Variants in EPS15L1 observed in about 807,000 individuals in gnomAD.
EPS15L1 encodes the protein epidermal growth factor receptor substrate 15-like 1.
Under a neutral mutation model 117.1 loss-of-function variants are expected in EPS15L1, and 43 were observed. That is an observed-to-expected ratio of 0.37 (90% CI 0.29 to 0.47). EPS15L1 has a LOEUF of 0.47. Ranked by LOEUF, EPS15L1 falls within the 20% of genes least tolerant of loss-of-function variation. EPS15L1 has a pLI of 0.99. For synonymous variants in EPS15L1, 459 were observed against 470.5 expected, an observed-to-expected ratio of 0.98 and a Z score of 0.32; for missense variants, 981 against 1,164.0, an observed-to-expected ratio of 0.84 and a Z score of 2.29.
chr19:16,444,353 C>T (rs1170404416), intron 1 of EPS15L1, among the ~76,000 whole-genome samples: 3 of 152,090 alleles, frequency 2.0e-5, no homozygotes, highest in Non-Finnish European at 2.9e-5. Context: ...AGATGGCTGC[C>T]CCCCTCGTGC....
chr19:16,437,739 GAATGTGA>G, intron 5 of EPS15L1, 24 bp downstream of exon 5: 2 of 1,504,382 alleles, frequency 1.3e-6, no homozygotes, highest in Non-Finnish European at 1.9e-6. Context: ...GGTATTAGAA[GAATGTGA>G]ACTTGAAGGA....
At chr19:16,438,938 A>G (rs1277567800) in intron 4 of EPS15L1, among the ~76,000 whole-genome samples, 1 of 152,046 alleles carries the variant, frequency 6.6e-6, no homozygotes, top group African/African-American at 2.4e-5. Flanking sequence ...GCCCACCCCC[A>G]GTGGCCTGAC....
chr19:16,384,453 C>T (rs533005398), intron 21 of EPS15L1, among the ~76,000 whole-genome samples: 2 of 152,148 alleles, frequency 1.3e-5, no homozygotes, highest in Admixed American at 6.5e-5. Flanking sequence ...TTTGACTTGT[C>T]CATTCTGGAT....
intron 17 of EPS15L1, among the ~76,000 whole-genome samples, chr19:16,394,851 G>C (rs968602920): frequency 6.6e-6 from 1 of 152,166 alleles, no homozygotes; most frequent in African/African-American, 2.4e-5. Context: ...TGTGGGTCTT[G>C]TGGTGAGCTT....
chr19:16,415,977 A>C (rs2092754565), intron 12 of EPS15L1, among the ~76,000 whole-genome samples: 1 of 152,170 alleles, frequency 6.6e-6, no homozygotes, highest in Admixed American at 6.5e-5. Context: ...CCAGGAGCTG[A>C]GACAGAACAG....
Position 16,392,364 on chromosome 19 carries a change from C to A in EPS15L1, c.2043G>T (p.Gln681His). The change falls in exon 19 of 24, where the codon CAG (glutamine) becomes CAT (histidine). Residue 681 changes from glutamine to histidine, a missense_variant. By Grantham distance (24) the Gln-to-His change is conservative. This residue lies in a region of EPS15L1 where 819 missense variants were observed against 949.0 expected (regional missense o/e 0.86). Coordinates refer to ENST00000455140, the MANE Select transcript of EPS15L1 (RefSeq NM_001258374.3). The stretch of plus-strand genomic sequence containing the variant: ...CCGAGGTAAATGGGTCATTCTTTGT[C>A]TGTTTCTTGAAGAAGTCGTCAGTGG... ...GSATDDFFKK[Q>H]TKNDPFTSDP... is the part of the protein sequence containing the mutation. The A allele has an allele frequency of 6.2e-7, 1 of 1,614,170 alleles. No individual in the cohort carries two copies. Among genetic ancestry groups the A allele is most frequent in the Non-Finnish European group, 8.5e-7 (1 of 1,180,002 alleles).
intron 1 of EPS15L1, among the ~76,000 whole-genome samples, chr19:16,456,746 C>T (rs2093201030): frequency 6.6e-6 from 1 of 152,112 alleles, no homozygotes; most frequent in African/African-American, 2.4e-5. Flanking sequence ...AGGACTATGG[C>T]ACAGGGGACC....
intron 22 of EPS15L1, among the ~76,000 whole-genome samples, chr19:16,376,708 G>T (rs894160682): frequency 2.6e-5 from 4 of 152,264 alleles, no homozygotes; most frequent in Admixed American, 1.3e-4. Context: ...CCTGAGCACG[G>T]ACAGGGAGAA....
intron 7 of EPS15L1, among the ~76,000 whole-genome samples, chr19:16,433,533 T>C (rs1406669282): frequency 2.6e-5 from 4 of 152,136 alleles, no homozygotes; most frequent in Non-Finnish European, 5.9e-5. Flanking sequence ...GAGTAATTAA[T>C]AGTAGAAAAG....
chr19:16,437,948 G>A, intron 4 of EPS15L1, 83 bp from the exon 5 acceptor site: 2 of 1,061,736 alleles, frequency 1.9e-6, no homozygotes, highest in East Asian at 2.5e-5. Flanking sequence ...CAGGCTTCAG[G>A]GAAAGAGGAT....
At chr19:16,428,605 G>C in intron 8 of EPS15L1, 97 bp downstream of exon 8, 1 of 791,200 alleles carries the variant, frequency 1.3e-6, no homozygotes, top group Non-Finnish European at 2.0e-6. Flanking sequence ...AAAGAAAAAA[G>C]AAAAGAAAAA....
At chr19:16,400,536 CCTCT>C in intron 16 of EPS15L1, 1 of 640,216 alleles carries the variant, frequency 1.6e-6, no homozygotes, top group Non-Finnish European at 1.9e-6. Flanking sequence ...AACTAAGACA[CCTCT>C]CTCTCGGCTC....
chr19:16,364,630 A>G (rs1374534523), intron 22 of EPS15L1, among the ~76,000 whole-genome samples: 1 of 152,204 alleles, frequency 6.6e-6, no homozygotes, highest in African/African-American at 2.4e-5. Flanking sequence ...TGGTAAGCCA[A>G]GGCCTCGCTG....
rs913518218 is a variant in EPS15L1, at chr19:16,405,976, G to A, written c.1267-1227C>T. Among the ~76,000 whole-genome samples, 2 of 152,214 alleles carry A rather than the reference G, an allele frequency of 1.3e-5. No homozygotes were observed. Among genetic ancestry groups the A allele is most frequent in the African/African-American group, 2.4e-5 (1 of 41,462 alleles). On this transcript the variant is annotated intron_variant, in intron 13 of 23. Transcript: ENST00000455140. This position sits in a 1 kb window ranked among gnomAD's most constrained non-coding sequence, Gnocchi z 4.0. ...AGGACGCAGGAACTGCAGGGGCCTC[G>A]GGTGGGGTCCAGGGAGAGGCAGCAG...
In EPS15L1 at chr19:16,471,448, G is replaced by C. The variant is rs561434101; in HGVS notation, c.33+465C>G. Among the ~76,000 whole-genome samples, 68 of 152,252 alleles carry C rather than the reference G, an allele frequency of 4.5e-4. No homozygotes were observed. The highest frequency in any genetic ancestry group is 8.1e-4 in the Non-Finnish European group (55 of 68,044). Reference sequence around the variant, plus strand: ...GGGTGGCGGAAGCAGCTTCCAAGGAGGCAGGGGATCAGTCTGAGATCGCAC... The same window carrying C: ...GGGTGGCGGAAGCAGCTTCCAAGGACGCAGGGGATCAGTCTGAGATCGCAC... On this transcript the variant is annotated intron_variant, in intron 1 of 23. Transcript: ENST00000455140. This position sits in a 1 kb window ranked among gnomAD's most constrained non-coding sequence, Gnocchi z 4.8.
At chr19:16,456,875 G>A (rs1012439936) in intron 1 of EPS15L1, among the ~76,000 whole-genome samples, 5 of 152,114 alleles carry the variant, frequency 3.3e-5, no homozygotes, top group Non-Finnish European at 5.9e-5. Flanking sequence ...CCAGTCAGGT[G>A]GAAGGGCATG....
intron 14 of EPS15L1, 21 bp from the exon 15 acceptor site, chr19:16,403,951 A>G: frequency 6.2e-7 from 1 of 1,604,654 alleles, no homozygotes; most frequent in South Asian, 1.1e-5. Flanking sequence ...ATGTTAAAAG[A>G]TGTTAAAGAG....
chr19:16,464,621 T>C (rs1197033624), intron 1 of EPS15L1, among the ~76,000 whole-genome samples: 1 of 152,296 alleles, frequency 6.6e-6, no homozygotes, highest in East Asian at 1.9e-4. Context: ...TCTGGCTCAG[T>C]CCTCTTTGCC....
rs1252504101 is a variant in EPS15L1 at position 16,355,745 on chromosome 19, A to C, written c.2693T>G (p.Leu898Arg). Reference sequence around the variant, plus strand: ...GTCAGCCTTGCTGAGCGCGATGGCCAGTTCCAGGTCCTCCTGCTCCTGCCG... The same window carrying C: ...GTCAGCCTTGCTGAGCGCGATGGCCCGTTCCAGGTCCTCCTGCTCCTGCCG... ...LRRQEQEDLE[L>R]AIALSKADMP... is the part of the protein sequence containing the mutation. The change falls in exon 24 of 24, where the codon CTG becomes CGG. Residue 898 changes from leucine to arginine, a missense_variant. By Grantham distance (102) the Leu-to-Arg change is moderately radical. This residue lies in a region of EPS15L1 where 819 missense variants were observed against 949.0 expected (regional missense o/e 0.86). Transcript: ENST00000455140. 7 of 1,536,026 alleles carry C rather than the reference A, an allele frequency of 4.6e-6. No individual in the cohort carries two copies. Among genetic ancestry groups the C allele is most frequent in the Non-Finnish European group, 6.1e-6 (7 of 1,146,810 alleles).
Sources: gnomAD v4.1 joint callset for allele counts (sites outside exome capture counted in the v4.1 genomes callset) on GRCh38, gnomAD v4.1.1 for gene constraint, gnomAD v4.1.1 regional missense constraint, Gnocchi (gnomAD v3.1) non-coding constraint, MANE v1.5 for transcripts, NCBI Gene and HGNC (gene_info 2026-07-23, HGNC 2026-07-21) for gene names.